Variants in KIRREL3 observed in about 807,000 individuals in gnomAD.
The protein encoded by KIRREL3 is kirre like nephrin family adhesion molecule 3.
A neutral mutation model predicts 89.7 loss-of-function variants in KIRREL3; 36 were observed. The ratio of observed to expected loss-of-function variants is 0.40; its 90% CI spans 0.31 to 0.53. The LOEUF is 0.53. Ranked by LOEUF, KIRREL3 falls within the 20% of genes least tolerant of loss-of-function variation. The probability of loss-of-function intolerance (pLI) is 0.49; values close to 1 mark genes in which losing one functional copy is unlikely to be tolerated. For synonymous variants in KIRREL3, 445 were observed against 441.4 expected, an observed-to-expected ratio of 1.01 and a Z score of -0.10; for missense variants, 864 against 1,056.6, an observed-to-expected ratio of 0.82 and a Z score of 2.53.
chr11:126,951,956 T>C (rs1239350178), intron 1 of KIRREL3, among the ~76,000 whole-genome samples: 12 of 152,222 alleles, frequency 7.9e-5, no homozygotes, highest in Admixed American at 7.8e-4. Flanking sequence ...ATGGAAATTA[T>C]GCTTTAAAAA....
At chr11:126,863,319 G>A (rs1944764629) in intron 1 of KIRREL3, among the ~76,000 whole-genome samples, 1 of 152,226 alleles carries the variant, frequency 6.6e-6, no homozygotes, top group African/African-American at 2.4e-5. Context: ...GGTTCCAGAA[G>A]TATGAATATG....
chr11:126,900,760 G>A lies in KIRREL3; in HGVS notation c.55+99695C>T, dbSNP rs1946339741. On this transcript the variant is annotated intron_variant, in intron 1 of 16. Coordinates refer to ENST00000525144, the MANE Select transcript of KIRREL3 (RefSeq NM_032531.4). This position sits in a 1 kb window ranked among gnomAD's most constrained non-coding sequence, Gnocchi z 4.4. ...CAAGGGTATCAATGGTTCAGGCAAA[G>A]TATTGATTGTATATCTTCAGGGCTG... 6.6e-6 allele frequency among the ~76,000 whole-genome samples: 1 copy of A among 152,214 alleles called. No individual in the cohort carries two copies. The highest frequency in any genetic ancestry group is 2.4e-5 in the African/African-American group (1 of 41,442).
rs1202544380 is a variant in KIRREL3 at position 126,817,836 on chromosome 11, G to C, written c.55+182619C>G. The stretch of plus-strand genomic sequence containing the variant: ...GGCTGTCCCAACCCCACCCTGATCT[G>C]AAGGCTGAGGGGGTCATTATGTGGA... On this transcript the variant is annotated intron_variant, in intron 1 of 16. Transcript: ENST00000525144. The surrounding 1 kb of genome is among the most constrained non-coding windows in gnomAD (Gnocchi z 5.7). Among the ~76,000 whole-genome samples, 2 of 152,308 alleles carry C rather than the reference G, an allele frequency of 1.3e-5. 1 individual carries two copies. Among genetic ancestry groups the C allele is most frequent in the Non-Finnish European group, 2.9e-5 (2 of 68,020 alleles).
Position 126,437,499 on chromosome 11 carries a change from A to G in KIRREL3, c.1354-490T>C, listed in dbSNP as rs185610671. Among the ~76,000 whole-genome samples the G allele has an allele frequency of 3.2e-4, 49 of 152,250 alleles. No homozygotes were observed. In the Middle Eastern group the frequency reaches 0.014, roughly 42 times the overall value. Reference sequence around the variant, plus strand: ...TGCATATGCAAGTACATGTACCACAACACACATAAACATGCATCACAACAC... The same window carrying G: ...TGCATATGCAAGTACATGTACCACAGCACACATAAACATGCATCACAACAC... On this transcript the variant is annotated intron_variant, in intron 11 of 16. Coordinates refer to ENST00000525144, the MANE Select transcript of KIRREL3 (RefSeq NM_032531.4).
chr11:126,909,076 T>C lies in KIRREL3; in HGVS notation c.55+91379A>G, dbSNP rs1946703497. ...TTTCAAATATTGTCTATTCACTTGG[T>C]TGAATCATCTCTGAAGGTGCAGAAC... On this transcript the variant is annotated intron_variant, in intron 1 of 16. Transcript: ENST00000525144. This position sits in a 1 kb window ranked among gnomAD's most constrained non-coding sequence, Gnocchi z 4.5. Among the ~76,000 whole-genome samples, 1 of 152,182 alleles carries C rather than the reference T, an allele frequency of 6.6e-6. No individual in the cohort carries two copies. Among genetic ancestry groups the C allele is most frequent in the Non-Finnish European group, 1.5e-5 (1 of 68,034 alleles).
In KIRREL3 at chr11:126,521,777, C is replaced by T. The variant is rs1411161923; in HGVS notation, c.284-313G>A. Among the ~76,000 whole-genome samples the T allele has an allele frequency of 6.6e-6, 1 of 151,686 alleles. No individual in the cohort carries two copies. Among genetic ancestry groups the T allele is most frequent in the Non-Finnish European group, 1.5e-5 (1 of 67,998 alleles). ...TGTTAGTTTTTGAGACAGGGTCTTG[C>T]TCTGTCACTCAGATTGGAGTGTAGT... On this transcript the variant is annotated intron_variant, in intron 3 of 16. Coordinates refer to ENST00000525144, the MANE Select transcript of KIRREL3 (RefSeq NM_032531.4). This position sits in a 1 kb window ranked among gnomAD's most constrained non-coding sequence, Gnocchi z 4.1.
chr11:126,983,826 C>T lies in KIRREL3; in HGVS notation c.55+16629G>A, dbSNP rs541064976. On this transcript the variant is annotated intron_variant, in intron 1 of 16. Coordinates refer to ENST00000525144, the MANE Select transcript of KIRREL3 (RefSeq NM_032531.4). This position sits in a 1 kb window ranked among gnomAD's most constrained non-coding sequence, Gnocchi z 4.9. ...CTGTGGTAACATGTTAACAGCAGCA[C>T]TGGGAAACAAATACACTCCATACAT... Among the ~76,000 whole-genome samples, 1 of 152,270 alleles carries T rather than the reference C, an allele frequency of 6.6e-6. No homozygotes were observed. The highest frequency in any genetic ancestry group is 2.1e-4 in the South Asian group (1 of 4,822).
At chr11:126,529,109 A>G (rs1467888949) in intron 2 of KIRREL3, among the ~76,000 whole-genome samples, 1 of 152,190 alleles carries the variant, frequency 6.6e-6, no homozygotes, top group African/African-American at 2.4e-5. Context: ...GGAAGCACCC[A>G]CAGTGGGTAA....
Position 126,755,008 on chromosome 11 carries a change from G to A in KIRREL3, c.56-192096C>T, listed in dbSNP as rs1296820372. ...CAAACAGGGCTGGCCCTTTAAGAAAGGTTTGTATGAGTTTAAATTGGGCCC... is the reference window on the plus strand; with the variant it reads ...CAAACAGGGCTGGCCCTTTAAGAAAAGTTTGTATGAGTTTAAATTGGGCCC... On this transcript the variant is annotated intron_variant, in intron 1 of 16. Coordinates refer to ENST00000525144, the MANE Select transcript of KIRREL3 (RefSeq NM_032531.4). This position sits in a 1 kb window ranked among gnomAD's most constrained non-coding sequence, Gnocchi z 4.3. Among the ~76,000 whole-genome samples the A allele has an allele frequency of 6.6e-6, 1 of 152,136 alleles. No homozygotes were observed. Among genetic ancestry groups the A allele is most frequent in the African/African-American group, 2.4e-5 (1 of 41,422 alleles).
Position 126,948,241 on chromosome 11 carries a change from T to C in KIRREL3, c.55+52214A>G, listed in dbSNP as rs1948675280. Among the ~76,000 whole-genome samples the C allele has an allele frequency of 3.9e-5, 6 of 152,252 alleles. No homozygotes were observed. The highest frequency in any genetic ancestry group is 3.3e-4 in the Admixed American group (5 of 15,282). ...TTAATAAGAAACCAATTCTATATTA[T>C]TGAAATTGTACTTGATAATGAAAAA... On this transcript the variant is annotated intron_variant, in intron 1 of 16. Coordinates refer to ENST00000525144, the MANE Select transcript of KIRREL3 (RefSeq NM_032531.4). This position sits in a 1 kb window ranked among gnomAD's most constrained non-coding sequence, Gnocchi z 4.5.
At chr11:126,712,140 A>C (rs774652580) in intron 1 of KIRREL3, among the ~76,000 whole-genome samples, 1 of 152,228 alleles carries the variant, frequency 6.6e-6, no homozygotes, top group Admixed American at 6.5e-5. Context: ...CTACTCTAGT[A>C]GCATTTTCTT....
intron 1 of KIRREL3, among the ~76,000 whole-genome samples, chr11:126,845,706 C>T (rs1225005370): frequency 6.6e-6 from 1 of 152,104 alleles, no homozygotes; most frequent in Admixed American, 6.6e-5. Flanking sequence ...ATCTGTTTGA[C>T]CTTTACCATT....
At position 126,896,541 on chromosome 11, in the gene KIRREL3, G is replaced by A. The variant is rs1462758897; in HGVS notation, c.55+103914C>T. Among the ~76,000 whole-genome samples, 1 of 152,210 alleles carries A rather than the reference G, an allele frequency of 6.6e-6. No individual in the cohort carries two copies. Among genetic ancestry groups the A allele is most frequent in the African/African-American group, 2.4e-5 (1 of 41,450 alleles). ...AATCTGAGAAGCAGGAGAGCTAAGG[G>A]TATCCTAGTGAATGGAATGATGATG... On this transcript the variant is annotated intron_variant, in intron 1 of 16. Transcript: ENST00000525144. The surrounding 1 kb of genome is among the most constrained non-coding windows in gnomAD (Gnocchi z 4.1).
rs941867601 is a variant in KIRREL3 at position 126,892,336 on chromosome 11, T to C, written c.55+108119A>G. Among the ~76,000 whole-genome samples, 6 of 152,126 alleles carry C rather than the reference T, an allele frequency of 3.9e-5. No individual in the cohort carries two copies. Among genetic ancestry groups the C allele is most frequent in the African/African-American group, 1.2e-4 (5 of 41,428 alleles). On this transcript the variant is annotated intron_variant, in intron 1 of 16. Transcript: ENST00000525144. This position sits in a 1 kb window ranked among gnomAD's most constrained non-coding sequence, Gnocchi z 5.4. ...CCCCAGCCCTCCTCAGGACCCACCG[T>C]GGAAGCAGAACTCCCAACTGTCTTT... is the stretch of plus-strand genomic sequence containing the variant.
rs757956887 is a variant in KIRREL3 at position 126,431,444 on chromosome 11, C to T, written c.1671G>A (p.Ala557=). The change falls in exon 14 of 17, where the codon GCG becomes GCA. Residue 557 remains alanine, a synonymous_variant. Coordinates refer to ENST00000525144, the MANE Select transcript of KIRREL3 (RefSeq NM_032531.4). This position sits in a 1 kb window ranked among gnomAD's most constrained non-coding sequence, Gnocchi z 7.1. ...TTCTCTGGGAACGGGCACAGCAGAA[C>T]GCCACGATGGTTGCCATAAGGACGA... ...AFLVLMATIV[A]FCCARSQRNL... is the part of the protein sequence containing the mutation. 110 of 1,614,038 alleles carry T rather than the reference C, an allele frequency of 6.8e-5. 1 individual carries two copies. The Middle Eastern group carries it at 9.9e-4, about 15-fold the overall frequency.
rs1042408489 is a variant in KIRREL3, at chr11:126,530,795, C to A, written c.134-4108G>T. Among the ~76,000 whole-genome samples, 5 of 152,100 alleles carry A rather than the reference C, an allele frequency of 3.3e-5. No individual in the cohort carries two copies. Among genetic ancestry groups the A allele is most frequent in the African/African-American group, 4.8e-5 (2 of 41,426 alleles). Reference sequence around the variant, plus strand: ...ATGTTCCCCTGGTGTGAAGCCTTGGCGGCCGGTGCAATCTCCCCTTCCCAT... The same window carrying A: ...ATGTTCCCCTGGTGTGAAGCCTTGGAGGCCGGTGCAATCTCCCCTTCCCAT... On this transcript the variant is annotated intron_variant, in intron 2 of 16. Coordinates refer to ENST00000525144, the MANE Select transcript of KIRREL3 (RefSeq NM_032531.4). The surrounding 1 kb of genome is among the most constrained non-coding windows in gnomAD (Gnocchi z 5.8).
chr11:126,690,964 C>T (rs1946856534), intron 1 of KIRREL3, among the ~76,000 whole-genome samples: 2 of 152,188 alleles, frequency 1.3e-5, no homozygotes, highest in Non-Finnish European at 1.5e-5. Flanking sequence ...ACTTGTTTTA[C>T]ACTTTCTTTG....
At chr11:126,481,901 A>G (rs1331539387) in intron 4 of KIRREL3, among the ~76,000 whole-genome samples, 3 of 152,224 alleles carry the variant, frequency 2.0e-5, no homozygotes, top group Non-Finnish European at 2.9e-5. Context: ...CCATCTAAAT[A>G]GTCTGAACTT....
rs758118522 is a variant in KIRREL3 at position 126,656,199 on chromosome 11, G to A, written c.56-93287C>T. ...GAGTGAGGTCAGGGAGGGCTACAGAGTTAGGACTCCGAAGTCAGAAAGATG... is the reference window on the plus strand; with the variant it reads ...GAGTGAGGTCAGGGAGGGCTACAGAATTAGGACTCCGAAGTCAGAAAGATG... On this transcript the variant is annotated intron_variant, in intron 1 of 16. Coordinates refer to ENST00000525144, the MANE Select transcript of KIRREL3 (RefSeq NM_032531.4). The surrounding 1 kb of genome is among the most constrained non-coding windows in gnomAD (Gnocchi z 4.0). 2 of 456,102 alleles carry A rather than the reference G, an allele frequency of 4.4e-6. No individual in the cohort carries two copies. The highest frequency in any genetic ancestry group is 3.1e-5 in the South Asian group (2 of 64,514). The allele number at this position is 456,102 out of a possible 1,614,324, so 28.3% of individuals were successfully genotyped here.
Sources: gnomAD v4.1 joint callset for allele counts (sites outside exome capture counted in the v4.1 genomes callset) on GRCh38, gnomAD v4.1.1 for gene constraint, Gnocchi (gnomAD v3.1) non-coding constraint, MANE v1.5 for transcripts, NCBI Gene and HGNC (gene_info 2026-07-23, HGNC 2026-07-21) for gene names.